MDN1: variants seen among roughly 807,000 people sequenced by gnomAD.
MDN1 encodes midasin AAA ATPase 1, also known as midasin.
In MDN1, 266 loss-of-function variants were observed where a neutral mutation model predicts 669.2. That is an observed-to-expected ratio of 0.40 (90% CI 0.36 to 0.44). The LOEUF (loss-of-function observed/expected upper bound fraction) is 0.44. Ranked by LOEUF, MDN1 falls within the 20% of genes least tolerant of loss-of-function variation. MDN1 has a pLI of 1.00. For missense variants in MDN1, 5,940 were observed against 6,754.0 expected, an observed-to-expected ratio of 0.88 and a Z score of 4.22; for synonymous variants, 2,385 against 2,457.1, an observed-to-expected ratio of 0.97 and a Z score of 0.87.
At chr6:89,707,940 CA>C (rs1813629492) in intron 51 of MDN1, among the ~76,000 whole-genome samples, 1 of 152,060 alleles carries the variant, frequency 6.6e-6, no homozygotes, top group African/African-American at 2.4e-5. Context: ...ATGATGTGGA[CA>C]GAGAGATTGC....
chr6:89,811,524 C>T (rs1487116645), intron 1 of MDN1, among the ~76,000 whole-genome samples: 1 of 151,996 alleles, frequency 6.6e-6, no homozygotes, highest in Non-Finnish European at 1.5e-5. Context: ...GTGACCTCCG[C>T]GTCCCTCTCG....
chr6:89,783,305 T>C (rs1818777451), intron 9 of MDN1, among the ~76,000 whole-genome samples: 1 of 152,168 alleles, frequency 6.6e-6, no homozygotes, highest in Non-Finnish European at 1.5e-5. Context: ...ATGGCCGCTC[T>C]GGGAATGCCT....
chr6:89,683,056 G>A, intron 73 of MDN1, 76 bp downstream of exon 73: 2 of 1,416,270 alleles, frequency 1.4e-6, no homozygotes, highest in Non-Finnish European at 2.0e-6. Context: ...TAGTACTGAG[G>A]CATGCCTTGC....
intron 88 of MDN1, 78 bp from the exon 89 acceptor site, chr6:89,658,995 C>G (rs1202066716): frequency 1.8e-5 from 24 of 1,367,872 alleles, no homozygotes; most frequent in Non-Finnish European, 2.4e-5. Context: ...GCTACTTATG[C>G]AAGTTTTGTC....
chr6:89,718,675 G>C (rs1814598450), intron 42 of MDN1, 48 bp from the exon 43 acceptor site: 1 of 1,608,018 alleles, frequency 6.2e-7, no homozygotes, highest in South Asian at 1.1e-5. Context: ...AGAGAATACT[G>C]TTATCTGTAC....
chr6:89,752,114 A>C (rs564848262), intron 22 of MDN1, among the ~76,000 whole-genome samples: 1 of 152,346 alleles, frequency 6.6e-6, no homozygotes, highest in Non-Finnish European at 1.5e-5. Flanking sequence ...TCCCATTTTT[A>C]TAAGTAAAAA....
chr6:89,648,002 TGCA>T (rs772525192), intron 99 of MDN1, 27 bp downstream of exon 99: 1 of 1,506,966 alleles, frequency 6.6e-7, no homozygotes, highest in Admixed American at 1.7e-5. Flanking sequence ...AAAATAACTG[TGCA>T]GAAGACATTT....
chr6:89,758,955 T>C lies in MDN1; in HGVS notation c.2466A>G (p.Thr822=), dbSNP rs764059413. The C allele has an allele frequency of 1.2e-6, 2 of 1,613,178 alleles. No homozygotes were observed. Among genetic ancestry groups the C allele is most frequent in the South Asian group, 1.1e-5 (1 of 91,062 alleles). Residue 822 remains threonine (T), a synonymous_variant, in exon 18 of 102, where the codon ACA becomes ACG. Transcript: ENST00000369393. ...NTLLFAFVEG[T]LAQAVKKGEW... is the part of the protein sequence containing the mutation. Reference sequence around the variant, plus strand: ...CTCCTTTCTTTACAGCCTGAGCTAATGTACCCTAGAAAAAGATAAAATAAA... The same window carrying C: ...CTCCTTTCTTTACAGCCTGAGCTAACGTACCCTAGAAAAAGATAAAATAAA...
rs776495593 is a variant in MDN1, at chr6:89,719,166, T to G, written c.6027A>C (p.Arg2009Ser). The G allele has an allele frequency of 6.2e-7, 1 of 1,613,910 alleles. No individual in the cohort carries two copies. The highest frequency in any genetic ancestry group is 1.1e-5 in the South Asian group (1 of 91,080). The change falls in exon 41 of 102, where the codon AGA (arginine) becomes AGC (serine). Residue 2009 changes from arginine to serine, a missense_variant. Coordinates refer to ENST00000369393, the MANE Select transcript of MDN1 (RefSeq NM_014611.3). ...GSNSNPYMGT[R>S]LFRITPYDVQ... Reference sequence around the variant, plus strand: ...CATCATAGGGAGTGATACGAAATAGTCTGGTTCCCATGTATGGGTTGGAAT... The same window carrying G: ...CATCATAGGGAGTGATACGAAATAGGCTGGTTCCCATGTATGGGTTGGAAT...
rs1402807003 is a variant in MDN1 at position 89,762,319 on chromosome 6, C to T, written c.2356G>A (p.Gly786Arg). ...VNKDGKDSET[G>R]LLIKEKWEAF... ...ATGGCAGCCTGGGTCACATCCTTAC[C>T]AGTTTCACTGTCTTTTCCATCCTTG... The change falls in exon 16 of 102, where the codon GGG becomes AGG. Residue 786 changes from glycine (G) to arginine (R), a missense_variant and splice_region_variant. By Grantham distance (125) the Gly-to-Arg change is moderately radical. This residue lies in a region of MDN1 where 1,203 missense variants were observed against 1,268.9 expected (regional missense o/e 0.95). Transcript: ENST00000369393. 6.2e-7 allele frequency: 1 copy of T among 1,613,208 alleles called. No homozygotes were observed. The highest frequency in any genetic ancestry group is 8.5e-7 in the Non-Finnish European group (1 of 1,179,474).
intron 50 of MDN1, 40 bp from the exon 51 acceptor site, chr6:89,708,668 G>A (rs1316017822): frequency 6.3e-7 from 1 of 1,596,506 alleles, no homozygotes; most frequent in Admixed American, 1.7e-5. Flanking sequence ...CAGAAATATT[G>A]GAGAAACTCC....
intron 74 of MDN1, among the ~76,000 whole-genome samples, chr6:89,679,293 G>A (rs1296313036): frequency 1.3e-5 from 2 of 152,174 alleles, no homozygotes; most frequent in African/African-American, 2.4e-5. Flanking sequence ...GAGTAGATGA[G>A]CCAGGACTTG....
At chr6:89,675,255 T>G in intron 78 of MDN1, 1 of 544,552 alleles carries the variant, frequency 1.8e-6, no homozygotes, top group Non-Finnish European at 3.3e-6. Context: ...TCTCAGGAGG[T>G]TCAGAGCACG....
At chr6:89,699,235 G>C (rs1264647281) in intron 58 of MDN1, among the ~76,000 whole-genome samples, 200 bp from the exon 59 acceptor site, 1 of 152,126 alleles carries the variant, frequency 6.6e-6, no homozygotes, top group African/African-American at 2.4e-5. Flanking sequence ...CTGTACTAAT[G>C]AAATTCTATT....
At chr6:89,699,882 A>G (rs899832318) in intron 57 of MDN1, among the ~76,000 whole-genome samples, 155 bp from the exon 58 acceptor site, 4 of 151,362 alleles carry the variant, frequency 2.6e-5, no homozygotes, top group African/African-American at 9.8e-5. Context: ...CTTTTAAAGT[A>G]GAGTCAAAAC....
chr6:89,718,733 G>T (rs751441851), intron 42 of MDN1, 34 bp downstream of exon 42: 27 of 1,610,944 alleles, frequency 1.7e-5, no homozygotes, highest in Middle Eastern at 1.6e-4. Flanking sequence ...GGTTTATTAT[G>T]CTTTGCCAGA....
chr6:89,781,545 C>A lies in MDN1; in HGVS notation c.1497G>T (p.Leu499=). 1 of 1,613,432 alleles carries A rather than the reference C, an allele frequency of 6.2e-7. No homozygotes were observed. Among genetic ancestry groups the A allele is most frequent in the African/African-American group, 1.3e-5 (1 of 74,976 alleles). Residue 499 remains leucine (L), a synonymous_variant, in exon 10 of 102, where the codon CTG becomes CTT. Transcript: ENST00000369393. ...YPSLLAVVDH[L]LDIYIQLTGE... is the part of the protein sequence containing the mutation. ...CAGTAAGTTGGATATAAATGTCAAG[C>A]AGGTGATCAACCACTGCCAATAGGC...
chr6:89,657,899 T>C (rs1394452196), intron 90 of MDN1, among the ~76,000 whole-genome samples: 1 of 152,260 alleles, frequency 6.6e-6, no homozygotes, highest in Non-Finnish European at 1.5e-5. Context: ...AGTAACATAC[T>C]GTACAGGTTT....
chr6:89,818,898 A>C (rs569371089), intron 1 of MDN1, among the ~76,000 whole-genome samples: 1 of 152,274 alleles, frequency 6.6e-6, no homozygotes, highest in Admixed American at 6.5e-5. Flanking sequence ...AGAAAACTCT[A>C]ATTAACCTTA....
Sources: allele counts gnomAD v4.1 joint callset (sites outside exome capture counted in the v4.1 genomes callset), GRCh38; gene constraint gnomAD v4.1.1; regional missense constraint gnomAD v4.1.1; transcripts MANE v1.5; gene names NCBI Gene and HGNC (gene_info 2026-07-23, HGNC 2026-07-21).